The following NFKBIA variants were observed in gnomAD, a reference collection of about 807,000 sequenced individuals.
NFKBIA encodes NF-kappa-B inhibitor alpha.
A neutral mutation model predicts 36.3 loss-of-function variants in NFKBIA; 10 were observed. That is an observed-to-expected ratio of 0.28 (90% CI 0.17 to 0.47). The LOEUF is 0.47. NFKBIA is among the 20% of genes least tolerant of loss of function. NFKBIA has a pLI of 0.99. For synonymous variants in NFKBIA, 205 were observed against 164.4 expected, an observed-to-expected ratio of 1.25 and a Z score of -1.89; for missense variants, 355 against 399.3, an observed-to-expected ratio of 0.89 and a Z score of 0.94.
Position 35,404,392 on chromosome 14 carries a change from C to G in NFKBIA, c.227+26G>C, listed in dbSNP as rs770515323. On this transcript the variant is annotated intron_variant, in intron 1 of 5. Coordinates refer to ENST00000216797, the MANE Select transcript of NFKBIA (RefSeq NM_020529.3). ...CGCGCGTCCCGCCCTCCCGACGACC[C>G]CCAGCCCCGGGCCTCCGCCACTTAC... 4 of 1,526,546 alleles carry G rather than the reference C, an allele frequency of 2.6e-6. No individual in the cohort carries two copies. In the South Asian group the frequency reaches 4.8e-5, roughly 18 times the overall value. 94.6% of individuals were successfully genotyped at this position (1,526,546 alleles called of 1,614,324 possible). A position where few individuals can be genotyped will look rare whatever the true frequency, so the allele number is the denominator to read the frequency against.
chr14:35,403,824 C>G, intron 1 of NFKBIA, 26 bp from the exon 2 acceptor site: 1 of 1,570,530 alleles, frequency 6.4e-7, no homozygotes, highest in African/African-American at 1.3e-5. Flanking sequence ...GGAAAAACCC[C>G]AGGGGTGGTG....
intron 2 of NFKBIA, 94 bp from the exon 3 acceptor site, chr14:35,403,454 C>T (rs2052750355): frequency 7.2e-7 from 1 of 1,379,520 alleles, no homozygotes; most frequent in African/African-American, 1.4e-5. Context: ...GGGTGCTGCT[C>T]CTCCTAGACA....
chr14:35,403,651 C>G (rs764801430), intron 2 of NFKBIA, 39 bp downstream of exon 2: 3 of 1,456,058 alleles, frequency 2.1e-6, no homozygotes, highest in Non-Finnish European at 2.9e-6. Flanking sequence ...CAGCTACGTC[C>G]CAGGGTCAGA....
Position 35,401,571 on chromosome 14 carries a change from A to G in NFKBIA, c.*442T>C. On this transcript the variant is annotated 3_prime_UTR_variant, in exon 6 of 6. Coordinates refer to ENST00000216797, the MANE Select transcript of NFKBIA (RefSeq NM_020529.3). ...AAAAGTACCAAAATAATTACCAACA[A>G]TACATTATGTACACCATTTACAGGA... 1 of 248,930 alleles carries G rather than the reference A, an allele frequency of 4.0e-6. No individual in the cohort carries two copies. Among genetic ancestry groups the G allele is most frequent in the Non-Finnish European group, 7.9e-6 (1 of 126,362 alleles). The allele number at this position is 248,930 out of a possible 1,614,324, so 15.4% of individuals were successfully genotyped here.
At chr14:35,402,161 A>T in intron 5 of NFKBIA, 101 bp from the exon 6 acceptor site, 1 of 1,407,244 alleles carries the variant, frequency 7.1e-7, no homozygotes, top group Non-Finnish European at 1.0e-6. Context: ...CTTGGACTCC[A>T]TTCTCCATAG....
In NFKBIA at chr14:35,402,160, CA is replaced by C. The variant is rs1166694601; in HGVS notation, c.907-101del. On this transcript the variant is annotated intron_variant, in intron 5 of 5. Transcript: ENST00000216797. The stretch of plus-strand genomic sequence containing the variant: ...ACTACTGGAAATAACTCTTGGACTC[CA>C]TTCTCCATAGCCCAAATATAATGAA... The C allele has an allele frequency of 1.3e-5, 18 of 1,402,970 alleles. No individual in the cohort carries two copies. The Middle Eastern group carries it at 7.1e-4, about 55-fold the overall frequency. The allele number at this position is 1,402,970 out of a possible 1,614,324, so 86.9% of individuals were successfully genotyped here. A position where few individuals can be genotyped will look rare whatever the true frequency, so the allele number is the denominator to read the frequency against.
chr14:35,403,875 G>C (rs895079937), intron 1 of NFKBIA, 77 bp from the exon 2 acceptor site: 6 of 1,063,644 alleles, frequency 5.6e-6, no homozygotes, highest in East Asian at 2.5e-5. Flanking sequence ...GGCTGCGGGG[G>C]ATTGCGCAAG....
At chr14:35,402,307 T>C in intron 5 of NFKBIA, 87 bp downstream of exon 5, 1 of 1,509,502 alleles carries the variant, frequency 6.6e-7, no homozygotes, top group East Asian at 2.3e-5. Flanking sequence ...TAGATACCCC[T>C]CTGATAAGGA....
chr14:35,403,935 T>C (rs975131858), intron 1 of NFKBIA, 137 bp from the exon 2 acceptor site: 2 of 707,770 alleles, frequency 2.8e-6, no homozygotes, highest in South Asian at 1.5e-5. Context: ...GAGGTTATTA[T>C]GAGCTGAGTG....
chr14:35,403,179 T>A lies in NFKBIA; in HGVS notation c.518A>T (p.His173Leu). ...LTQSCTTPHL[H>L]SILKATNYNG... The stretch of plus-strand genomic sequence containing the variant: ...GTAGTTGGTAGCCTTCAGGATGGAG[T>A]GGAGGTGCGGGGTGGTGCAGGACTG... Residue 173 changes from histidine (H) to leucine (L), a missense_variant, in exon 3 of 6, where the codon CAC (histidine) becomes CTC (leucine). By Grantham distance (99) the His-to-Leu change is moderately conservative. Transcript: ENST00000216797. 6.2e-7 allele frequency: 1 copy of A among 1,611,236 alleles called. No individual in the cohort carries two copies. Among genetic ancestry groups the A allele is most frequent in the Non-Finnish European group, 8.5e-7 (1 of 1,179,636 alleles).
intron 1 of NFKBIA, 100 bp downstream of exon 1, chr14:35,404,318 T>C (rs2052765144): frequency 1.2e-6 from 1 of 858,922 alleles, no homozygotes; most frequent in Admixed American, 4.4e-5. Context: ...GCTGCATCGC[T>C]GGTCCCCCGG....
chr14:35,402,185 A>G (rs2052734380), intron 5 of NFKBIA, 125 bp from the exon 6 acceptor site: 1 of 1,256,868 alleles, frequency 8.0e-7, no homozygotes, highest in African/African-American at 1.5e-5. Context: ...AAATATAATG[A>G]ACTTTACAGG....
chr14:35,403,771 T>C lies in NFKBIA; in HGVS notation c.255A>G (p.Glu85=). 1 of 1,613,924 alleles carries C rather than the reference T, an allele frequency of 6.2e-7. No individual in the cohort carries two copies. Among genetic ancestry groups the C allele is most frequent in the Non-Finnish European group, 8.5e-7 (1 of 1,179,930 alleles). The change falls in exon 2 of 6, where the codon GAA becomes GAG. Residue 85 remains glutamate, a synonymous_variant. Coordinates refer to ENST00000216797, the MANE Select transcript of NFKBIA (RefSeq NM_020529.3). ...TCACTTCCATGGTCAGTGCCTTTTC[T>C]TCATGGATGATGGCCAAGTGCAGGA... ...DSFLHLAIIH[E]EKALTMEVIR... is the part of the protein sequence containing the mutation.
Position 35,403,674 on chromosome 14 carries a change from C to T in NFKBIA, c.336+16G>A. On this transcript the variant is annotated intron_variant, in intron 2 of 5. Transcript: ENST00000216797. ...TCCCAGGGTCAGAGAGAACCCGGGC[C>T]AGGCAAGCGGCGCACCTGCTGCAGG... 1.3e-6 allele frequency: 2 copies of T among 1,592,562 alleles called. No individual in the cohort carries two copies. Among genetic ancestry groups the T allele is most frequent in the Non-Finnish European group, 1.7e-6 (2 of 1,161,582 alleles).
Position 35,402,508 on chromosome 14 carries a change from C to G in NFKBIA, c.792G>C (p.Arg264=), listed in dbSNP as rs2138830550. The G allele has an allele frequency of 6.2e-7, 1 of 1,614,206 alleles. No individual in the cohort carries two copies. The highest frequency in any genetic ancestry group is 8.5e-7 in the Non-Finnish European group (1 of 1,180,034). The change falls in exon 5 of 6, where the codon CGG becomes CGC. Residue 264 remains arginine, a synonymous_variant. Transcript: ENST00000216797. ...TCAGCTGGCCCAGCTGCTGCTGTAT[C>G]CGGGTGCTTGGGCGGCCCCAGGTGA... ...YQLTWGRPST[R]IQQQLGQLTL... is the part of the protein sequence containing the mutation.
chr14:35,404,474 C>G lies in NFKBIA; in HGVS notation c.171G>C (p.Gln57His), dbSNP rs1300321511. 6.2e-7 allele frequency: 1 copy of G among 1,602,738 alleles called. No homozygotes were observed. The highest frequency in any genetic ancestry group is 8.5e-7 in the Non-Finnish European group (1 of 1,175,276). Residue 57 changes from glutamine (Q) to histidine (H), a missense_variant, in exon 1 of 6, where the codon CAG becomes CAC. Transcript: ENST00000216797. ...KELQEIRLEP[Q>H]EVPRGSEPWK... ...AGGGCTCCGAGCCGCGCGGCACCTC[C>G]TGCGGCTCGAGGCGGATCTCCTGCA...
chr14:35,402,399 CCT>C lies in NFKBIA; in HGVS notation c.899_900del (p.Glu300GlyfsTer6). The C allele has an allele frequency of 6.2e-7, 1 of 1,614,152 alleles. No individual in the cohort carries two copies. The highest frequency in any genetic ancestry group is 8.5e-7 in the Non-Finnish European group (1 of 1,180,008). On this transcript the variant is annotated frameshift_variant, in exon 5 of 6. Coordinates refer to ENST00000216797, the MANE Select transcript of NFKBIA (RefSeq NM_020529.3). LOFTEE classifies it high-confidence loss of function. Reference protein sequence around the residue: ...DTESEFTEFTEDELPYDDCVF... With the variant: ...DTESEFTEFTXDELPYDDCVF... The stretch of plus-strand genomic sequence containing the variant: ...GAAGGAGTTCACAGACTCACCTCGT[CCT>C]CTGTGAACTCCGTGAACTCTGACTC...
At position 35,403,747 on chromosome 14, in the gene NFKBIA, C is replaced by T. The variant is rs1307694986; in HGVS notation, c.279G>A (p.Val93=). 1 of 1,614,066 alleles carries T rather than the reference C, an allele frequency of 6.2e-7. No individual in the cohort carries two copies. The highest frequency in any genetic ancestry group is 2.2e-5 in the East Asian group (1 of 44,866). ...CCAGGTCTCCCTTCACCTGGCGGAT[C>T]ACTTCCATGGTCAGTGCCTTTTCTT... is the stretch of plus-strand genomic sequence containing the variant. ...IHEEKALTME[V]IRQVKGDLAF... The change falls in exon 2 of 6, where the codon GTG becomes GTA. Residue 93 remains valine (V), a synonymous_variant. Coordinates refer to ENST00000216797, the MANE Select transcript of NFKBIA (RefSeq NM_020529.3).
In NFKBIA at chr14:35,404,713, G is replaced by A. The variant is rs921028960; in HGVS notation, c.-69C>T. ...CGGGCTGCGCGCTGCTTCCTCGCTG[G>A]GGCGCTGGCGGGCGGGACGGCGGCA... On this transcript the variant is annotated 5_prime_UTR_variant, in exon 1 of 6. Transcript: ENST00000216797. The A allele has an allele frequency of 5.7e-5, 64 of 1,128,482 alleles. No homozygotes were observed. The highest frequency in any genetic ancestry group is 6.7e-5 in the Non-Finnish European group (58 of 870,912). 69.9% of individuals were successfully genotyped at this position (1,128,482 alleles called of 1,614,324 possible). A position where few individuals can be genotyped will look rare whatever the true frequency, so the allele number is the denominator to read the frequency against.
Sources: gnomAD v4.1 joint callset for allele counts on GRCh38, gnomAD v4.1.1 for gene constraint, MANE v1.5 for transcripts, NCBI Gene and HGNC (gene_info 2026-07-23, HGNC 2026-07-21) for gene names.